The following STARD13 variants were observed in gnomAD, a reference collection of about 807,000 sequenced individuals.
The protein encoded by STARD13 is stAR-related lipid transfer protein 13.
A neutral mutation model predicts 106.4 loss-of-function variants in STARD13; 62 were observed. The observed-to-expected ratio is 0.58, with a 90% confidence interval of 0.48 to 0.72. The LOEUF is 0.72. STARD13 is among the 30% of genes least tolerant of loss of function. The pLI, the probability that STARD13 is intolerant of heterozygous loss-of-function variation, is 0.00. For synonymous variants in STARD13, 565 were observed against 553.0 expected, an observed-to-expected ratio of 1.02 and a Z score of -0.31; for missense variants, 1,387 against 1,424.0, an observed-to-expected ratio of 0.97 and a Z score of 0.42.
chr13:33,323,693 C>T (rs1006627802), intron 1 of STARD13, among the ~76,000 whole-genome samples: 6 of 152,200 alleles, frequency 3.9e-5, no homozygotes, highest in African/African-American at 9.7e-5. Flanking sequence ...CTCTGGCCTT[C>T]AATTAACTTA....
chr13:33,231,916 G>C (rs145886546), intron 1 of STARD13, among the ~76,000 whole-genome samples: 126 of 152,284 alleles, frequency 8.3e-4, no homozygotes, highest in African/African-American at 2.9e-3. Flanking sequence ...AGATGCTCAA[G>C]TCCCTGATAT....
At chr13:33,668,994 C>T in the STARD13 span, among the ~76,000 whole-genome samples, 1 of 152,196 alleles carries the variant, frequency 6.6e-6, no homozygotes, top group Non-Finnish European at 1.5e-5. Flanking sequence ...TCTACTTTTA[C>T]CCATGGGAAA....
At chr13:33,517,967 A>G in the STARD13 span, among the ~76,000 whole-genome samples, 1 of 152,098 alleles carries the variant, frequency 6.6e-6, no homozygotes, top group East Asian at 1.9e-4. Context: ...CCTCCTCTAC[A>G]TCTGCTTCTG....
chr13:33,672,365 C>T, the STARD13 span, among the ~76,000 whole-genome samples: 1 of 152,018 alleles, frequency 6.6e-6, no homozygotes, highest in Non-Finnish European at 1.5e-5. Context: ...GGGCCTGTCA[C>T]AGGGTGGGGA....
At chr13:33,519,695 C>T in the STARD13 span, among the ~76,000 whole-genome samples, 5 of 152,094 alleles carry the variant, frequency 3.3e-5, no homozygotes, top group Non-Finnish European at 5.9e-5. Flanking sequence ...CAGAAAGCAT[C>T]GTTGATGGTT....
intron 1 of STARD13, among the ~76,000 whole-genome samples, chr13:33,264,670 A>AGAAG (rs915931645): frequency 5.9e-5 from 9 of 152,188 alleles, no homozygotes; most frequent in Non-Finnish European, 1.5e-5. Context: ...CCTTCAAAGA[A>AGAAG]GAAGGCTCCT....
chr13:33,477,726 A>G, the STARD13 span, among the ~76,000 whole-genome samples: 2 of 152,218 alleles, frequency 1.3e-5, no homozygotes, highest in African/African-American at 4.8e-5. Context: ...GCAGCCAGAA[A>G]GATCAATGAC....
the STARD13 span, among the ~76,000 whole-genome samples, chr13:33,598,482 T>C: frequency 4.6e-5 from 7 of 152,170 alleles, no homozygotes; most frequent in African/African-American, 1.7e-4. Flanking sequence ...TTACAGTTAT[T>C]TGTTTATGCA....
At chr13:33,174,474 G>A (rs1011243952) in intron 1 of STARD13, among the ~76,000 whole-genome samples, 12 of 152,048 alleles carry the variant, frequency 7.9e-5, no homozygotes, top group African/African-American at 2.7e-4. Context: ...ACCTGTGCTA[G>A]TTTCAGAAAA....
At chr13:33,324,517 T>C (rs537402631) in intron 1 of STARD13, among the ~76,000 whole-genome samples, 1 of 152,292 alleles carries the variant, frequency 6.6e-6, no homozygotes, top group South Asian at 2.1e-4. Flanking sequence ...AAATAGAAAA[T>C]TAGAGTTTGA....
At chr13:33,339,464 T>C (rs2077935120) in intron 1 of STARD13, among the ~76,000 whole-genome samples, 4 of 152,250 alleles carry the variant, frequency 2.6e-5, no homozygotes, top group Admixed American at 2.6e-4. Flanking sequence ...ACTAAACTGA[T>C]GCTAACTTCA....
intron 1 of STARD13, among the ~76,000 whole-genome samples, chr13:33,222,796 A>G (rs1215916278): frequency 2.0e-5 from 3 of 152,280 alleles, no homozygotes; most frequent in Admixed American, 1.3e-4. Flanking sequence ...TGAAATGTTC[A>G]GCAACCAGCA....
At chr13:33,599,788 T>C in the STARD13 span, among the ~76,000 whole-genome samples, 3 of 152,194 alleles carry the variant, frequency 2.0e-5, no homozygotes, top group Non-Finnish European at 4.4e-5. Context: ...TGAATTGATA[T>C]AACTAAAACA....
chr13:33,528,237 T>TATAC, the STARD13 span, among the ~76,000 whole-genome samples: 6 of 131,126 alleles, frequency 4.6e-5, no homozygotes, highest in African/African-American at 2.1e-4. Context: ...TATATATATA[T>TATAC]ATATACATAT....
At chr13:33,196,630 A>G (rs1290871141) in intron 1 of STARD13, among the ~76,000 whole-genome samples, 1 of 152,186 alleles carries the variant, frequency 6.6e-6, no homozygotes, top group Non-Finnish European at 1.5e-5. Context: ...CTCGATTGAG[A>G]GACTGTGAGC....
At chr13:33,423,254 T>C in the STARD13 span, among the ~76,000 whole-genome samples, 1 of 151,786 alleles carries the variant, frequency 6.6e-6, no homozygotes. Flanking sequence ...CAAGAAAAAA[T>C]CAAACAACCC....
the STARD13 span, among the ~76,000 whole-genome samples, chr13:33,495,472 A>C: frequency 2.0e-4 from 30 of 152,296 alleles, 2 homozygotes; most frequent in East Asian, 5.8e-3. Flanking sequence ...GCATGAACTA[A>C]AGTTAAAGGA....
At chr13:33,621,930 G>C in the STARD13 span, among the ~76,000 whole-genome samples, 30 of 151,022 alleles carry the variant, frequency 2.0e-4, no homozygotes, top group African/African-American at 6.8e-4. Context: ...TCAGCCTCCT[G>C]AGTAGCTGGG....
the STARD13 span, among the ~76,000 whole-genome samples, chr13:33,505,419 A>C: frequency 5.9e-5 from 9 of 152,192 alleles, no homozygotes; most frequent in East Asian, 1.9e-4. Context: ...GTCATTTCAC[A>C]AAAATGAATC....
Sources: allele counts gnomAD v4.1 joint callset (sites outside exome capture counted in the v4.1 genomes callset), GRCh38; gene constraint gnomAD v4.1.1; transcripts MANE v1.5; gene names NCBI Gene and HGNC (gene_info 2026-07-23, HGNC 2026-07-21).